CACNB4: variants seen among roughly 807,000 people sequenced by gnomAD.
CACNB4 encodes the protein calcium voltage-gated channel auxiliary subunit beta 4.
In CACNB4, 32 loss-of-function variants were observed where a neutral mutation model predicts 71.2. The observed-to-expected ratio is 0.45, with a 90% CI of 0.34 to 0.60. The LOEUF is 0.60. Ranked by LOEUF, CACNB4 falls within the 20% of genes least tolerant of loss-of-function variation. The pLI is 0.01. For synonymous variants in CACNB4, 231 were observed against 236.9 expected (o/e 0.97, Z 0.23); for missense variants, 464 against 647.9 (o/e 0.72, Z 3.08).
At chr2:152,073,381 A>G (rs899628216) in intron 2 of CACNB4, among the ~76,000 whole-genome samples, 6 of 152,152 alleles carry the variant, frequency 3.9e-5, no homozygotes, top group African/African-American at 1.4e-4. Context: ...CAATATACCT[A>G]GAAGCATCCT....
At position 151,905,926 on chromosome 2, in the gene CACNB4, C is replaced by T. The variant is rs542090820; in HGVS notation, c.148-22556G>A. ...AACTCAATGGGAGTAAACCCTGATA[C>T]AGCCAGATTACCTTTAAGTAAAAAG... On this transcript the variant is annotated intron_variant, in intron 2 of 13. Transcript: ENST00000539935. Among the ~76,000 whole-genome samples the T allele has an allele frequency of 3.9e-5, 6 of 152,364 alleles. No homozygotes were observed. In the East Asian group the frequency reaches 1.2e-3, roughly 29 times the overall value.
Position 151,876,729 on chromosome 2 carries a change from C to A in CACNB4, c.391-173G>T, listed in dbSNP as rs991220944. On this transcript the variant is annotated intron_variant, in intron 4 of 13. Coordinates refer to ENST00000539935, the MANE Select transcript of CACNB4 (RefSeq NM_000726.5). Reference sequence around the variant, plus strand: ...TGTATACTATATTTTATATACTATACTATAGACTATATTTTATATGTATAT... The same window carrying A: ...TGTATACTATATTTTATATACTATAATATAGACTATATTTTATATGTATAT... 6.6e-4 allele frequency among the ~76,000 whole-genome samples: 10 copies of A among 15,076 alleles called. 1 individual carries two copies. Among genetic ancestry groups the A allele is most frequent in the Non-Finnish European group, 1.8e-3 (7 of 3,998 alleles). The allele number at this position is 15,076 out of a possible 152,430, so 9.9% of individuals were successfully genotyped here.
intron 2 of CACNB4, among the ~76,000 whole-genome samples, chr2:151,998,900 A>G (rs902488601): frequency 6.6e-6 from 1 of 152,194 alleles, no homozygotes; most frequent in Non-Finnish European, 1.5e-5. Context: ...CCTCTCCACC[A>G]AAGTGTGAAA....
In CACNB4 at chr2:151,976,406, C is replaced by T. The variant is rs887480852; in HGVS notation, c.148-93036G>A. Among the ~76,000 whole-genome samples, 20 of 152,174 alleles carry T rather than the reference C, an allele frequency of 1.3e-4. 1 individual carries two copies. Among genetic ancestry groups the T allele is most frequent in the Non-Finnish European group, 2.2e-4 (15 of 68,020 alleles). On this transcript the variant is annotated intron_variant, in intron 2 of 13. Coordinates refer to ENST00000539935, the MANE Select transcript of CACNB4 (RefSeq NM_000726.5). ...AGTTTTCAAGATGAGGGGCAGTAGG[C>T]GTGTTCCCAAGAGGAATTTGGTGAA...
intron 2 of CACNB4, among the ~76,000 whole-genome samples, chr2:152,042,513 T>C (rs1280954603): frequency 2.6e-5 from 4 of 152,074 alleles, no homozygotes; most frequent in African/African-American, 9.7e-5. Context: ...TCAAAACAGC[T>C]AGACTAGCAG....
At chr2:151,980,395 T>C (rs2099874506) in intron 2 of CACNB4, among the ~76,000 whole-genome samples, 1 of 152,186 alleles carries the variant, frequency 6.6e-6, no homozygotes, top group African/African-American at 2.4e-5. Context: ...TTCCCACCAC[T>C]GGGCTTTGTT....
intron 2 of CACNB4, among the ~76,000 whole-genome samples, chr2:152,024,055 C>T (rs924450450): frequency 2.6e-5 from 4 of 152,218 alleles, no homozygotes; most frequent in African/African-American, 9.6e-5. Context: ...CACAGTGGCT[C>T]ACGCCTGCAA....
At chr2:151,918,386 G>A (rs983419471) in intron 2 of CACNB4, among the ~76,000 whole-genome samples, 1 of 152,174 alleles carries the variant, frequency 6.6e-6, no homozygotes, top group African/African-American at 2.4e-5. Flanking sequence ...TTAACCTGTG[G>A]TTAGCAAGAG....
intron 2 of CACNB4, among the ~76,000 whole-genome samples, chr2:152,012,767 T>A (rs989122104): frequency 6.6e-6 from 1 of 152,158 alleles, no homozygotes; most frequent in African/African-American, 2.4e-5. Flanking sequence ...GTAAAAAAGT[T>A]ATACTAAGCT....
chr2:152,012,388 G>GA (rs1393779615), intron 2 of CACNB4, among the ~76,000 whole-genome samples: 1 of 152,170 alleles, frequency 6.6e-6, no homozygotes, highest in Non-Finnish European at 1.5e-5. Context: ...TGGAGCGCCT[G>GA]AAGTCAGGAG....
At chr2:151,845,762 C>G (rs1454328236) in intron 12 of CACNB4, among the ~76,000 whole-genome samples, 1 of 152,184 alleles carries the variant, frequency 6.6e-6, no homozygotes, top group Non-Finnish European at 1.5e-5. Context: ...ACAGGGAACA[C>G]CTTTGCCCTT....
chr2:152,098,457 G>A lies in CACNB4; in HGVS notation c.64-44C>T. ...GGCCAGAGAGAAGCCGGTGAGGACC[G>A]CAGCGCAGAGCGGGGCGACCACCCC... On this transcript the variant is annotated intron_variant, in intron 1 of 13. Coordinates refer to ENST00000539935, the MANE Select transcript of CACNB4 (RefSeq NM_000726.5). This position sits in a 1 kb window ranked among gnomAD's most constrained non-coding sequence, Gnocchi z 5.3. The A allele has an allele frequency of 6.5e-7, 1 of 1,542,222 alleles. No homozygotes were observed.
intron 2 of CACNB4, among the ~76,000 whole-genome samples, chr2:152,021,953 A>G (rs1218762100): frequency 1.3e-5 from 2 of 152,252 alleles, no homozygotes; most frequent in African/African-American, 4.8e-5. Context: ...TCAAGGCTAT[A>G]TACATTCAAG....
rs573977678 is a variant in CACNB4 at position 152,090,380 on chromosome 2, G to A, written c.147+7950C>T. Among the ~76,000 whole-genome samples, 19 of 152,290 alleles carry A rather than the reference G, an allele frequency of 1.2e-4. 1 individual carries two copies. In the South Asian group the frequency reaches 1.9e-3, roughly 15 times the overall value. ...GAAAAATTAAAACTTGAAGATGGGC[G>A]CAGTGGCTCATGCCTATAATCCCAG... On this transcript the variant is annotated intron_variant, in intron 2 of 13. Transcript: ENST00000539935.
At chr2:152,023,419 C>T (rs774606767) in intron 2 of CACNB4, among the ~76,000 whole-genome samples, 17 of 111,378 alleles carry the variant, frequency 1.5e-4, no homozygotes, top group Non-Finnish European at 7.3e-5. Flanking sequence ...ATAAAGGCCA[C>T]CGTAAAAGTG....
At chr2:152,027,640 T>G (rs1191593971) in intron 2 of CACNB4, among the ~76,000 whole-genome samples, 1 of 151,532 alleles carries the variant, frequency 6.6e-6, no homozygotes, top group Non-Finnish European at 1.5e-5. Flanking sequence ...GATCACGAGG[T>G]CAGGAGATCG....
At chr2:151,856,341 T>C (rs1020816702) in intron 10 of CACNB4, among the ~76,000 whole-genome samples, 2 of 152,218 alleles carry the variant, frequency 1.3e-5, no homozygotes, top group Non-Finnish European at 2.9e-5. Flanking sequence ...TTTCACTCTG[T>C]TGCCTAGGCT....
chr2:151,977,321 A>G (rs2151744481), intron 2 of CACNB4, among the ~76,000 whole-genome samples: 1 of 152,214 alleles, frequency 6.6e-6, no homozygotes, highest in East Asian at 1.9e-4. Context: ...ATGCCACGTG[A>G]TTCATGATGG....
chr2:152,033,002 G>A (rs78624894), intron 2 of CACNB4, among the ~76,000 whole-genome samples: 6,752 of 152,250 alleles, frequency 0.044, 208 homozygotes, highest in East Asian at 0.11. Context: ...AACTAGTTTG[G>A]TGTAGACAGG....
Sources: gnomAD v4.1 joint callset for allele counts (sites outside exome capture counted in the v4.1 genomes callset) on GRCh38, gnomAD v4.1.1 for gene constraint, Gnocchi (gnomAD v3.1) non-coding constraint, MANE v1.5 for transcripts, NCBI Gene and HGNC (gene_info 2026-07-23, HGNC 2026-07-21) for gene names.